Variants in SLC25A13 observed in about 807,000 individuals in gnomAD.
The protein encoded by SLC25A13 is electrogenic aspartate/glutamate antiporter SLC25A13, mitochondrial.
In SLC25A13, 70 loss-of-function variants were observed where a neutral mutation model predicts 85.5. The observed-to-expected ratio is 0.82, with a 90% CI of 0.68 to 1.00. The LOEUF is 1.00. Ranked by LOEUF, SLC25A13 falls within the 50% of genes least tolerant of loss-of-function variation. The pLI is 0.00. For missense variants in SLC25A13, 765 were observed against 819.8 expected, an observed-to-expected ratio of 0.93 and a Z score of 0.82; for synonymous variants, 259 against 288.7, an observed-to-expected ratio of 0.90 and a Z score of 1.04.
intron 2 of SLC25A13, among the ~76,000 whole-genome samples, chr7:96,284,999 C>T (rs1798832957): frequency 6.6e-6 from 1 of 152,090 alleles, no homozygotes. Context: ...GGCATCATCT[C>T]TTTTCCTCCC....
chr7:96,139,393 C>CTT (rs938117331), intron 14 of SLC25A13, among the ~76,000 whole-genome samples: 1 of 151,282 alleles, frequency 6.6e-6, no homozygotes, highest in Non-Finnish European at 1.5e-5. Context: ...TTTAAAAGTT[C>CTT]TTTTTTTTTC....
chr7:96,168,098 GAAAAAAAAAAAA>G (rs543491037), intron 13 of SLC25A13, among the ~76,000 whole-genome samples: 2,415 of 19,624 alleles, frequency 0.12, 102 homozygotes, highest in South Asian at 0.25. Flanking sequence ...AACTCTGTCT[GAAAAAAAAAAAA>G]AAAAAAAAAA....
chr7:96,213,621 T>C (rs1196531631), intron 4 of SLC25A13, among the ~76,000 whole-genome samples: 1 of 152,206 alleles, frequency 6.6e-6, no homozygotes, highest in Non-Finnish European at 1.5e-5. Context: ...AAACCCAACA[T>C]GTTTTAGCTT....
At chr7:96,320,979 A>T (rs1269695440) in intron 1 of SLC25A13, among the ~76,000 whole-genome samples, 1 of 152,218 alleles carries the variant, frequency 6.6e-6, no homozygotes, top group East Asian at 1.9e-4. Flanking sequence ...CTGCACTTAA[A>T]ATGAGCTAAG....
At chr7:96,180,672 C>T (rs1264964057) in intron 11 of SLC25A13, among the ~76,000 whole-genome samples, 1 of 152,228 alleles carries the variant, frequency 6.6e-6, no homozygotes, top group Non-Finnish European at 1.5e-5. Context: ...TCTCCCAAAA[C>T]ATTTTCCAGT....
intron 1 of SLC25A13, among the ~76,000 whole-genome samples, chr7:96,319,529 A>G (rs931355245): frequency 3.0e-5 from 4 of 134,478 alleles, no homozygotes; most frequent in Non-Finnish European, 6.3e-5. Context: ...CAACAGAGCA[A>G]GACTCCATCT....
At position 96,134,813 on chromosome 7, in the gene SLC25A13, A is replaced by ATATATAT. The variant is rs1554337551; in HGVS notation, c.1453-2933_1453-2932insATATATA. 5.6e-5 allele frequency among the ~76,000 whole-genome samples: 8 copies of ATATATAT among 143,004 alleles called. No individual in the cohort carries two copies. The East Asian group carries it at 6.5e-4, about 12-fold the overall frequency. 93.8% of individuals were successfully genotyped at this position (143,004 alleles called of 152,430 possible). The stretch of plus-strand genomic sequence containing the variant: ...CAATTTTATATATATATATATATAT[A>ATATATAT]ACCCTGAGGAAAGGGTAGAATTGCA... On this transcript the variant is annotated intron_variant, in intron 14 of 17. Transcript: ENST00000265631.
intron 3 of SLC25A13, among the ~76,000 whole-genome samples, chr7:96,246,897 C>G (rs564572430): frequency 2.0e-4 from 31 of 152,206 alleles, no homozygotes; most frequent in African/African-American, 6.7e-4. Context: ...TCAAATTAAC[C>G]CAATTTTTAC....
chr7:96,214,651 C>T (rs761402974), intron 4 of SLC25A13, among the ~76,000 whole-genome samples: 61 of 151,942 alleles, frequency 4.0e-4, no homozygotes, highest in African/African-American at 6.5e-4. Context: ...GGCGTGAACC[C>T]GGAAGGCGGA....
chr7:96,296,214 C>T (rs943702180), intron 2 of SLC25A13, among the ~76,000 whole-genome samples: 22 of 151,850 alleles, frequency 1.4e-4, no homozygotes, highest in African/African-American at 4.4e-4. Context: ...CAGGGAGAGA[C>T]AGTATAGTCC....
chr7:96,208,697 G>C, intron 5 of SLC25A13, 141 bp downstream of exon 5: 1 of 912,340 alleles, frequency 1.1e-6, no homozygotes, highest in Non-Finnish European at 1.7e-6. Flanking sequence ...AGTAGAGACG[G>C]GGTTTCACCA....
At chr7:96,274,842 G>C (rs2116932030) in intron 3 of SLC25A13, among the ~76,000 whole-genome samples, 1 of 152,172 alleles carries the variant, frequency 6.6e-6, no homozygotes, top group South Asian at 2.1e-4. Flanking sequence ...TATTTCTGGG[G>C]GCTCTGTTCT....
intron 3 of SLC25A13, among the ~76,000 whole-genome samples, chr7:96,270,684 G>T (rs1056892073): frequency 6.6e-6 from 1 of 152,124 alleles, no homozygotes; most frequent in Non-Finnish European, 1.5e-5. Context: ...GGGCAACAGA[G>T]CAAGACCCTT....
intron 11 of SLC25A13, among the ~76,000 whole-genome samples, chr7:96,173,473 C>CA (rs1794091654): frequency 6.6e-6 from 1 of 152,222 alleles, no homozygotes; most frequent in African/African-American, 2.4e-5. Flanking sequence ...TGTTAATGTG[C>CA]AAATGTGTAC....
chr7:96,243,997 C>T (rs188328184), intron 3 of SLC25A13, among the ~76,000 whole-genome samples: 4 of 152,256 alleles, frequency 2.6e-5, no homozygotes, highest in East Asian at 1.9e-4. Context: ...CTGTGGAGCA[C>T]GGGCCGCCGG....
rs561053823 is a variant in SLC25A13, at chr7:96,157,780, G to A, written c.1312-11084C>T. 9.9e-5 allele frequency among the ~76,000 whole-genome samples: 15 copies of A among 151,370 alleles called. 1 individual carries two copies. In the South Asian group the frequency reaches 2.9e-3, roughly 30 times the overall value. On this transcript the variant is annotated intron_variant, in intron 13 of 17. Coordinates refer to ENST00000265631, the MANE Select transcript of SLC25A13 (RefSeq NM_014251.3). Reference sequence around the variant, plus strand: ...TACACCACTGCACTCCAGCCTGGGCGACAGAACAAGCCTCTATCTTGGAAA... The same window carrying A: ...TACACCACTGCACTCCAGCCTGGGCAACAGAACAAGCCTCTATCTTGGAAA...
intron 3 of SLC25A13, among the ~76,000 whole-genome samples, chr7:96,259,301 G>A (rs1797757409): frequency 6.6e-6 from 1 of 152,078 alleles, no homozygotes; most frequent in South Asian, 2.1e-4. Context: ...GAAAAATTTT[G>A]CAATTTATCC....
At chr7:96,308,338 G>C (rs1799835897) in intron 1 of SLC25A13, among the ~76,000 whole-genome samples, 1 of 152,202 alleles carries the variant, frequency 6.6e-6, no homozygotes, top group Admixed American at 6.5e-5. Flanking sequence ...AGCTGATTGA[G>C]GCAGCAGCAG....
intron 2 of SLC25A13, among the ~76,000 whole-genome samples, chr7:96,279,827 C>T (rs1562899412): frequency 6.6e-6 from 1 of 152,168 alleles, no homozygotes; most frequent in South Asian, 2.1e-4. Flanking sequence ...AATCCCCCAA[C>T]TTTAATTTTT....
Sources: allele counts gnomAD v4.1 joint callset (sites outside exome capture counted in the v4.1 genomes callset), GRCh38; gene constraint gnomAD v4.1.1; transcripts MANE v1.5; gene names NCBI Gene and HGNC (gene_info 2026-07-23, HGNC 2026-07-21).